Variants in URB1 observed in about 807,000 individuals in gnomAD.
URB1 encodes URB1 ribosome biogenesis factor, also known as nucleolar pre-ribosomal-associated protein 1.
Under a neutral mutation model 242.3 loss-of-function variants are expected in URB1, and 197 were observed. The observed-to-expected ratio is 0.81, with a 90% confidence interval of 0.72 to 0.91. The LOEUF is 0.91. Among genes scored for constraint, URB1 ranks in the 40% least tolerant of loss-of-function variants. URB1 has a pLI of 0.00. For missense variants in URB1, 2,721 were observed against 2,860.5 expected (o/e 0.95, Z 1.11); for synonymous variants, 1,153 against 1,201.8 (o/e 0.96, Z 0.84).
chr21:32,385,175 T>C (rs2033570419), intron 2 of URB1, among the ~76,000 whole-genome samples: 1 of 152,190 alleles, frequency 6.6e-6, no homozygotes, highest in Admixed American at 6.5e-5. Context: ...AATATCCCAA[T>C]GTTCAATCTC....
Position 32,338,727 on chromosome 21 carries a change from C to A in URB1, c.4490G>T (p.Ser1497Ile), listed in dbSNP as rs765114065. ...GTCACCTTTTACTTGGCTGTCCGGGCTCTCCTCTCCGTCAGACGTCAGTAG... is the reference window on the plus strand; with the variant it reads ...GTCACCTTTTACTTGGCTGTCCGGGATCTCCTCTCCGTCAGACGTCAGTAG... ...PTLLTSDGEESPDSQVKEALV... is the reference protein window; with the variant it reads ...PTLLTSDGEEIPDSQVKEALV... Residue 1497 changes from serine to isoleucine, a missense_variant, in exon 26 of 39, where the codon AGC becomes ATC. Coordinates refer to ENST00000382751, the MANE Select transcript of URB1 (RefSeq NM_014825.3). 2.0e-5 allele frequency: 31 copies of A among 1,551,324 alleles called. No individual in the cohort carries two copies. The African/African-American group carries it at 4.0e-4, about 20-fold the overall frequency.
chr21:32,337,826 C>A (rs971488579), intron 26 of URB1, among the ~76,000 whole-genome samples: 2 of 152,062 alleles, frequency 1.3e-5, no homozygotes, highest in East Asian at 1.9e-4. Context: ...CCCAGCCCCC[C>A]ACGTGTTTTT....
Position 32,354,861 on chromosome 21 carries a change from T to C in URB1, c.2243A>G (p.Asp748Gly), listed in dbSNP as rs746876962. ...GCGCAGAACAGAATGGAACATACCG[T>C]CAATGTGGGAGATGGGAATGCTCAT... ...DDMSIPISHI[D>G]DVLDMVDVLV... The change falls in exon 17 of 39, where the codon GAC (aspartate) becomes GGC (glycine). Residue 748 changes from aspartate (D) to glycine (G), a missense_variant and splice_region_variant. By Grantham distance (94) the Asp-to-Gly change is moderately conservative. Coordinates refer to ENST00000382751, the MANE Select transcript of URB1 (RefSeq NM_014825.3). 22 of 1,552,272 alleles carry C rather than the reference T, an allele frequency of 1.4e-5. 1 individual carries two copies. In the South Asian group the frequency reaches 2.5e-4, roughly 18 times the overall value.
intron 30 of URB1, among the ~76,000 whole-genome samples, chr21:32,329,428 T>C (rs997913181): frequency 6.6e-6 from 1 of 152,218 alleles, no homozygotes; most frequent in African/African-American, 2.4e-5. Flanking sequence ...GCCTGCGTGC[T>C]CTGGTCATCT....
intron 28 of URB1, among the ~76,000 whole-genome samples, chr21:32,336,256 T>C (rs866929771): frequency 6.6e-6 from 1 of 152,118 alleles, no homozygotes; most frequent in Non-Finnish European, 1.5e-5. Flanking sequence ...GGGAGATAGC[T>C]TCTGGGCTGA....
chr21:32,330,364 C>A (rs2032880088), intron 30 of URB1, among the ~76,000 whole-genome samples: 1 of 151,334 alleles, frequency 6.6e-6, no homozygotes, highest in South Asian at 2.1e-4. Flanking sequence ...CTGTATTAAA[C>A]CAATAAAACT....
Position 32,383,491 on chromosome 21 carries a change from C to A in URB1, c.498G>T (p.Arg166Ser). Residue 166 changes from arginine to serine, a missense_variant, in exon 4 of 39, where the codon AGG becomes AGT. By Grantham distance (110) the Arg-to-Ser change is moderately radical. Transcript: ENST00000382751. ...AMVTQGPEAA[R>S]DVCSHFDLNK... ...TCAAATCAAAATGGCTGCAGACGTCCCTGGCAGCTTCCGGACCCTGGGTCA... is the reference window on the plus strand; with the variant it reads ...TCAAATCAAAATGGCTGCAGACGTCACTGGCAGCTTCCGGACCCTGGGTCA... The A allele has an allele frequency of 1.3e-6, 2 of 1,551,478 alleles. No individual in the cohort carries two copies. Among genetic ancestry groups the A allele is most frequent in the Middle Eastern group, 1.7e-4 (1 of 5,992 alleles).
chr21:32,330,924 G>A (rs1174720396), intron 30 of URB1, among the ~76,000 whole-genome samples: 1 of 152,188 alleles, frequency 6.6e-6, no homozygotes, highest in Admixed American at 6.5e-5. Flanking sequence ...GCCTATTGAT[G>A]GGAAGATCTC....
chr21:32,347,512 C>A lies in URB1; in HGVS notation c.3312G>T (p.Gln1104His). The A allele has an allele frequency of 6.4e-7, 1 of 1,551,348 alleles. No individual in the cohort carries two copies. Among genetic ancestry groups the A allele is most frequent in the Non-Finnish European group, 8.7e-7 (1 of 1,146,824 alleles). ...GATGCAGCTCCTGCAGGGCCTCCAG[C>A]TGCGGCGGGGTCTTTGGTGGTGATG... ...PATSPPKTPP[Q>H]LEALQELHPY... The change falls in exon 22 of 39, where the codon CAG becomes CAT. Residue 1104 changes from glutamine to histidine, a missense_variant. Coordinates refer to ENST00000382751, the MANE Select transcript of URB1 (RefSeq NM_014825.3).
chr21:32,321,914 C>G lies in URB1; in HGVS notation c.5371G>C (p.Val1791Leu), dbSNP rs3761342. 0.92 allele frequency: 1,426,831 copies of G among 1,551,598 alleles called. 656,908 individuals are homozygous for G. The highest frequency in any genetic ancestry group is 0.97 in the Middle Eastern group (5,806 of 5,992). ...TTGTCACGGATCCCCTGCCGCAGAA[C>G]GCCAAACACCCACTTCTGCTCTGTT... ...QKTEQKWVFGVLRQGIRDKQC... is the reference protein window; with the variant it reads ...QKTEQKWVFGLLRQGIRDKQC... Residue 1791 changes from valine (V) to leucine (L), a missense_variant, in exon 34 of 39, where the codon GTT becomes CTT. Physicochemically the swap from Val to Leu is conservative, Grantham distance 32. Transcript: ENST00000382751.
At chr21:32,375,620 T>C in intron 5 of URB1, 137 bp from the exon 6 acceptor site, 1 of 535,876 alleles carries the variant, frequency 1.9e-6, no homozygotes, top group Non-Finnish European at 3.2e-6. Context: ...ACTATACAAG[T>C]TTCCGGTAGA....
rs907456872 is a variant in URB1, at chr21:32,349,369, G to A, written c.2947C>T (p.Arg983Trp). Reference sequence around the variant, plus strand: ...TCCAGGAAGAGGTCGGCTTCGGCCCGGGCGGCCTCGCATCTCTGCTGGTTC... The same window carrying A: ...TCCAGGAAGAGGTCGGCTTCGGCCCAGGCGGCCTCGCATCTCTGCTGGTTC... ...AQNQQRCEAA[R>W]AEADLFLDME... The change falls in exon 21 of 39, where the codon CGG (arginine) becomes TGG (tryptophan). Residue 983 changes from arginine (R) to tryptophan (W), a missense_variant. Physicochemically the swap from Arg to Trp is moderately radical, Grantham distance 101 (BLOSUM62 -3). Transcript: ENST00000382751. The A allele has an allele frequency of 1.7e-5, 27 of 1,551,372 alleles. No homozygotes were observed. The highest frequency in any genetic ancestry group is 5.5e-5 in the African/African-American group (4 of 73,070).
At position 32,317,567 on chromosome 21, in the gene URB1, C is replaced by T. The variant is rs370068492; in HGVS notation, c.6034+109G>A. The T allele has an allele frequency of 1.6e-5, 24 of 1,455,316 alleles. No individual in the cohort carries two copies. In the African/African-American group the frequency reaches 2.5e-4, roughly 15 times the overall value. 90.2% of individuals were successfully genotyped at this position (1,455,316 alleles called of 1,614,324 possible). A position where few individuals can be genotyped will look rare whatever the true frequency, so the allele number is the denominator to read the frequency against. On this transcript the variant is annotated intron_variant, in intron 37 of 38. Transcript: ENST00000382751. ...AAGATGGATGTGTCCCATCTCTGAG[C>T]CTCATTAGCTTTGGAAATGTGGCTG... is the stretch of plus-strand genomic sequence containing the variant.
chr21:32,324,373 C>T (rs1388412812), intron 32 of URB1, 118 bp downstream of exon 32: 30 of 788,076 alleles, frequency 3.8e-5, no homozygotes, highest in South Asian at 6.7e-5. Context: ...ATCATGAGCA[C>T]GGAGTGGCCT....
intron 8 of URB1, among the ~76,000 whole-genome samples, chr21:32,369,001 T>A (rs1346586370): frequency 1.3e-5 from 2 of 151,958 alleles, no homozygotes; most frequent in Admixed American, 1.3e-4. Flanking sequence ...TGCCCCAAAT[T>A]TCATTTTGAG....
Position 32,347,331 on chromosome 21 carries a change from G to A in URB1, c.3493C>T (p.Pro1165Ser), listed in dbSNP as rs1448282962. Residue 1165 changes from proline (P) to serine (S), a missense_variant, in exon 22 of 39, where the codon CCC becomes TCC. Pro to Ser is a moderately conservative substitution (Grantham distance 74). Coordinates refer to ENST00000382751, the MANE Select transcript of URB1 (RefSeq NM_014825.3). ...KTLVQLLTCS[P>S]QDQLQSGELL... Reference sequence around the variant, plus strand: ...TCACCACTCTGCAGCTGATCCTGGGGGCTGCAGGTCAGCAGCTGCACCAGG... The same window carrying A: ...TCACCACTCTGCAGCTGATCCTGGGAGCTGCAGGTCAGCAGCTGCACCAGG... The A allele has an allele frequency of 2.6e-6, 4 of 1,551,178 alleles. No homozygotes were observed. The highest frequency in any genetic ancestry group is 1.4e-5 in the African/African-American group (1 of 73,042).
intron 15 of URB1, among the ~76,000 whole-genome samples, chr21:32,357,330 A>C (rs1028853080): frequency 1.3e-5 from 2 of 152,146 alleles, no homozygotes; most frequent in Non-Finnish European, 2.9e-5. Flanking sequence ...AAAAAAAAAA[A>C]AACATTTTTC....
chr21:32,321,921 C>T lies in URB1; in HGVS notation c.5364G>A (p.Val1788=), dbSNP rs1277391710. Residue 1788 remains valine (V), a synonymous_variant, in exon 34 of 39, where the codon GTG becomes GTA. Transcript: ENST00000382751. ...GGATCCCCTGCCGCAGAACGCCAAACACCCACTTCTGCTCTGTTTTTTGCT... is the reference window on the plus strand; with the variant it reads ...GGATCCCCTGCCGCAGAACGCCAAATACCCACTTCTGCTCTGTTTTTTGCT... ...DFEQKTEQKW[V]FGVLRQGIRD... 4 of 1,551,636 alleles carry T rather than the reference C, an allele frequency of 2.6e-6. No individual in the cohort carries two copies. In the Admixed American group the frequency reaches 5.9e-5, roughly 23 times the overall value.
chr21:32,355,634 G>A (rs1255809485), intron 15 of URB1, 69 bp from the exon 16 acceptor site: 7 of 1,250,368 alleles, frequency 5.6e-6, no homozygotes, highest in Admixed American at 4.0e-5. Context: ...TTTGAGACAG[G>A]GCCTCACTCT....
Sources: gnomAD v4.1 joint callset for allele counts (sites outside exome capture counted in the v4.1 genomes callset) on GRCh38, gnomAD v4.1.1 for gene constraint, MANE v1.5 for transcripts, NCBI Gene and HGNC (gene_info 2026-07-23, HGNC 2026-07-21) for gene names.